CRYBG3: variants seen among roughly 807,000 people sequenced by gnomAD.
CRYBG3 encodes crystallin beta-gamma domain containing 3, also known as very large A-kinase anchor protein.
In CRYBG3, 127 loss-of-function variants were observed where a neutral mutation model predicts 244.2. The ratio of observed to expected loss-of-function variants is 0.52; its 90% CI spans 0.45 to 0.60. The LOEUF (loss-of-function observed/expected upper bound fraction) is 0.60. CRYBG3 is among the 20% of genes least tolerant of loss of function. CRYBG3 has a pLI of 0.00. For missense variants in CRYBG3, 3,325 were observed against 3,442.5 expected, an observed-to-expected ratio of 0.97 and a Z score of 0.85; for synonymous variants, 1,132 against 1,195.8, an observed-to-expected ratio of 0.95 and a Z score of 1.10.
At chr3:97,851,962 T>C (rs981652199) in intron 2 of CRYBG3, among the ~76,000 whole-genome samples, 3 of 152,202 alleles carry the variant, frequency 2.0e-5, no homozygotes, top group African/African-American at 7.2e-5. Context: ...ATGTTTTCTC[T>C]GACTTTAACA....
chr3:97,842,536 C>G (rs1189607273), intron 1 of CRYBG3, among the ~76,000 whole-genome samples: 2 of 151,386 alleles, frequency 1.3e-5, no homozygotes, highest in African/African-American at 4.9e-5. Flanking sequence ...GCCTGGGCAA[C>G]AGAACAAGAC....
At chr3:97,843,341 AT>A in intron 2 of CRYBG3, 80 bp downstream of exon 2, 1 of 784,916 alleles carries the variant, frequency 1.3e-6, no homozygotes, top group Non-Finnish European at 2.0e-6. Context: ...CTGTCATCTT[AT>A]TTTACATTTC....
chr3:97,939,358 T>C (rs2040201029), intron 19 of CRYBG3, among the ~76,000 whole-genome samples: 1 of 152,064 alleles, frequency 6.6e-6, no homozygotes, highest in Admixed American at 6.6e-5. Context: ...TCTGAGTTTC[T>C]AAAATAGTAG....
At chr3:97,839,533 A>C (rs1228599452) in intron 1 of CRYBG3, among the ~76,000 whole-genome samples, 2 of 152,130 alleles carry the variant, frequency 1.3e-5, no homozygotes, top group Non-Finnish European at 2.9e-5. Flanking sequence ...TATTCTTTCA[A>C]GAGACTTATA....
intron 12 of CRYBG3, among the ~76,000 whole-genome samples, chr3:97,896,290 G>A (rs149184764): frequency 5.9e-5 from 9 of 151,908 alleles, no homozygotes; most frequent in Non-Finnish European, 8.8e-5. Context: ...CATTGTTTCC[G>A]TAATCATCTT....
rs1228835087 is a variant in CRYBG3, at chr3:97,892,983, A to G, written c.7564A>G (p.Ile2522Val). The change falls in exon 11 of 22, where the codon ATT becomes GTT. Residue 2522 changes from isoleucine to valine, a missense_variant. Ile to Val is a conservative substitution (Grantham distance 29). Coordinates refer to ENST00000389622, the MANE Select transcript of CRYBG3 (RefSeq NM_153605.4). ...DFHRIGSIRV[I>V]GGVWVAYEKE... ...TCACAGAATTGGATCAATTCGTGTC[A>G]TTGGTGGAGTGTGAGTATCATATTT... 2 of 1,596,754 alleles carry G rather than the reference A, an allele frequency of 1.3e-6. No homozygotes were observed. Among genetic ancestry groups the G allele is most frequent in the East Asian group, 2.3e-5 (1 of 43,846 alleles).
In CRYBG3 at chr3:97,877,621, A is replaced by G. The variant is rs1576539614; in HGVS notation, c.6427A>G (p.Arg2143Gly). The G allele has an allele frequency of 1.2e-6, 2 of 1,614,108 alleles. No homozygotes were observed. Among genetic ancestry groups the G allele is most frequent in the East Asian group, 4.5e-5 (2 of 44,882 alleles). ...RLKMNFDEDD[R>G]EAADEEEEEE... Reference sequence around the variant, plus strand: ...AAAGATGAATTTTGATGAAGATGACAGAGAGGCAGCTGATGAGGAAGAAGA... The same window carrying G: ...AAAGATGAATTTTGATGAAGATGACGGAGAGGCAGCTGATGAGGAAGAAGA... The change falls in exon 4 of 22, where the codon AGA becomes GGA. Residue 2143 changes from arginine to glycine, a missense_variant. By Grantham distance (125) the Arg-to-Gly change is moderately radical. This residue lies in a region of CRYBG3 where 450 missense variants were observed against 424.1 expected (regional missense o/e 1.06). Coordinates refer to ENST00000389622, the MANE Select transcript of CRYBG3 (RefSeq NM_153605.4).
chr3:97,886,729 T>C lies in CRYBG3; in HGVS notation c.7251T>C (p.Asn2417=). Residue 2417 remains asparagine (N), a synonymous_variant, in exon 8 of 22, where the codon AAT becomes AAC. Coordinates refer to ENST00000389622, the MANE Select transcript of CRYBG3 (RefSeq NM_153605.4). ...CAGTCCCCAATTTGGAAGAACTGAATATCTCCAAATCTGTGTCCTTCACTG... is the reference window on the plus strand; with the variant it reads ...CAGTCCCCAATTTGGAAGAACTGAACATCTCCAAATCTGTGTCCTTCACTG... ...QRAVPNLEEL[N]ISKSVSFTVK... 1 of 1,612,420 alleles carries C rather than the reference T, an allele frequency of 6.2e-7. No homozygotes were observed. Among genetic ancestry groups the C allele is most frequent in the South Asian group, 1.1e-5 (1 of 90,758 alleles).
intron 2 of CRYBG3, among the ~76,000 whole-genome samples, chr3:97,844,587 T>C (rs777627170): frequency 2.0e-5 from 3 of 152,178 alleles, no homozygotes; most frequent in Non-Finnish European, 4.4e-5. Flanking sequence ...CTTCTCTTAG[T>C]CTCTGCTTCT....
intron 8 of CRYBG3, 78 bp downstream of exon 8, chr3:97,886,845 A>G (rs948359119): frequency 1.6e-6 from 2 of 1,256,326 alleles, no homozygotes; most frequent in African/African-American, 1.5e-5. Flanking sequence ...ACATTTTTCT[A>G]AAGTTTCTAG....
Position 97,942,415 on chromosome 3 carries a change from C to A in CRYBG3, c.8796C>A (p.Leu2932=), listed in dbSNP as rs376510137. The change falls in exon 21 of 22, where the codon CTC becomes CTA. Residue 2932 remains leucine, a synonymous_variant. Transcript: ENST00000389622. ...AAAATGGAACTATCAGCTCTTATCTCAGTGATCAACTTGTCCTTGATGTTA... is the reference window on the plus strand; with the variant it reads ...AAAATGGAACTATCAGCTCTTATCTAAGTGATCAACTTGTCCTTGATGTTA... ...LNKNGTISSY[L]SDQLVLDVKG... is the part of the protein sequence containing the mutation. 6.2e-7 allele frequency: 1 copy of A among 1,610,940 alleles called. No individual in the cohort carries two copies. The highest frequency in any genetic ancestry group is 8.5e-7 in the Non-Finnish European group (1 of 1,178,006).
intron 17 of CRYBG3, among the ~76,000 whole-genome samples, chr3:97,932,874 T>C (rs1575974709): frequency 6.6e-6 from 1 of 152,224 alleles, no homozygotes; most frequent in East Asian, 1.9e-4. Flanking sequence ...CCTTTGAGAC[T>C]GAGCTCACAA....
At chr3:97,882,131 C>G (rs1475492790) in intron 7 of CRYBG3, among the ~76,000 whole-genome samples, 1 of 151,914 alleles carries the variant, frequency 6.6e-6, no homozygotes, top group Non-Finnish European at 1.5e-5. Context: ...ATCACTTGAA[C>G]CTGGAGGGCA....
chr3:97,873,222 T>G lies in CRYBG3; in HGVS notation c.2028T>G (p.Asn676Lys). The G allele has an allele frequency of 1.3e-6, 2 of 1,535,940 alleles. No homozygotes were observed. The highest frequency in any genetic ancestry group is 1.7e-4 in the Middle Eastern group (1 of 5,986). Residue 676 changes from asparagine (N) to lysine (K), a missense_variant, in exon 4 of 22, where the codon AAT (asparagine) becomes AAG (lysine). Asn to Lys is a moderately conservative substitution (Grantham distance 94). Around this residue, in one of 4 missense-constraint regions of CRYBG3, gnomAD observed 1,526 missense variants for 1,443.2 expected, o/e 1.06. Coordinates refer to ENST00000389622, the MANE Select transcript of CRYBG3 (RefSeq NM_153605.4). ...LSKLDIPDLM[N>K]EGSPVPIETG... The stretch of plus-strand genomic sequence containing the variant: ...AGTTGGATATTCCTGATTTAATGAA[T>G]GAGGGTTCTCCTGTGCCCATTGAAA...
intron 1 of CRYBG3, among the ~76,000 whole-genome samples, chr3:97,835,495 C>T (rs988795095): frequency 2.6e-5 from 4 of 152,042 alleles, no homozygotes; most frequent in Non-Finnish European, 1.5e-5. Context: ...TCATGTGGCA[C>T]AGATGCCAGT....
chr3:97,850,283 T>C lies in CRYBG3; in HGVS notation c.216+7022T>C, dbSNP rs538431591. Among the ~76,000 whole-genome samples the C allele has an allele frequency of 3.7e-4, 56 of 152,292 alleles. 1 individual carries two copies. The highest frequency in any genetic ancestry group is 1.3e-3 in the African/African-American group (54 of 41,568). ...ACTTTTCTTATTTAGATCAGCAATT[T>C]CACGCATATTTTTTCTCTGATACAT... On this transcript the variant is annotated intron_variant, in intron 2 of 21. Transcript: ENST00000389622.
At chr3:97,923,820 A>C (rs548754716) in intron 17 of CRYBG3, among the ~76,000 whole-genome samples, 1 of 152,216 alleles carries the variant, frequency 6.6e-6, no homozygotes, top group Admixed American at 6.5e-5. Context: ...ACATTGAGAG[A>C]TACAATCTTT....
At chr3:97,903,354 A>G (rs1238943061) in intron 15 of CRYBG3, among the ~76,000 whole-genome samples, 1 of 152,210 alleles carries the variant, frequency 6.6e-6, no homozygotes, top group Non-Finnish European at 1.5e-5. Flanking sequence ...TATAGGAGCC[A>G]AATCACAGAA....
intron 17 of CRYBG3, among the ~76,000 whole-genome samples, chr3:97,918,667 G>A (rs997951999): frequency 2.0e-5 from 3 of 152,096 alleles, no homozygotes; most frequent in African/African-American, 4.8e-5. Flanking sequence ...ACAAATGTTC[G>A]TTTCATTTTC....
Sources: allele counts gnomAD v4.1 joint callset (sites outside exome capture counted in the v4.1 genomes callset), GRCh38; gene constraint gnomAD v4.1.1; regional missense constraint gnomAD v4.1.1; transcripts MANE v1.5; gene names NCBI Gene and HGNC (gene_info 2026-07-23, HGNC 2026-07-21).